Variants in ITGA11 observed in about 807,000 individuals in gnomAD.
The protein encoded by ITGA11 is integrin subunit alpha 11, also known as integrin alpha-11.
Under a neutral mutation model 141.9 loss-of-function variants are expected in ITGA11, and 97 were observed. The observed-to-expected ratio is 0.68, with a 90% CI of 0.58 to 0.81. The LOEUF is 0.81. ITGA11 is among the 30% of genes least tolerant of loss of function. ITGA11 has a pLI of 0.00. For synonymous variants in ITGA11, 658 were observed against 624.6 expected, an observed-to-expected ratio of 1.05 and a Z score of -0.80; for missense variants, 1,387 against 1,559.2, an observed-to-expected ratio of 0.89 and a Z score of 1.86.
At chr15:68,416,398 CA>C (rs1896887405) in intron 1 of ITGA11, among the ~76,000 whole-genome samples, 1 of 152,154 alleles carries the variant, frequency 6.6e-6, no homozygotes, top group South Asian at 2.1e-4. Context: ...GACAGGGAGA[CA>C]GAGAACGAGC....
chr15:68,399,355 G>A (rs1323287030), intron 2 of ITGA11, among the ~76,000 whole-genome samples: 1 of 152,076 alleles, frequency 6.6e-6, no homozygotes, highest in African/African-American at 2.4e-5. Context: ...AAAAGGAAAT[G>A]CTTATACACT....
chr15:68,411,953 A>C (rs1896780255), intron 1 of ITGA11, among the ~76,000 whole-genome samples: 1 of 152,030 alleles, frequency 6.6e-6, no homozygotes, highest in Non-Finnish European at 1.5e-5. Context: ...AGCCCAACCT[A>C]GCTGAGGTCA....
Position 68,333,709 on chromosome 15 carries a change from C to T in ITGA11, c.1426-1231G>A, listed in dbSNP as rs1894254454. Among the ~76,000 whole-genome samples the T allele has an allele frequency of 6.6e-6, 1 of 152,230 alleles. No individual in the cohort carries two copies. The highest frequency in any genetic ancestry group is 2.4e-5 in the African/African-American group (1 of 41,462). ...GCCTCAGGCTGGCCCCTTCAGCCCA[C>T]CCCCATGGCAGCTGGCGTGGCCTCT... On this transcript the variant is annotated intron_variant, in intron 12 of 29. Transcript: ENST00000315757. This position sits in a 1 kb window ranked among gnomAD's most constrained non-coding sequence, Gnocchi z 4.2.
chr15:68,355,031 C>T (rs1250939518), intron 7 of ITGA11, among the ~76,000 whole-genome samples: 2 of 152,194 alleles, frequency 1.3e-5, no homozygotes, highest in Non-Finnish European at 2.9e-5. Context: ...GTTCAAACTA[C>T]CTGGTGAGTC....
Position 68,304,102 on chromosome 15 carries a change from C to T in ITGA11, c.3382-217G>A, listed in dbSNP as rs1044055600. Among the ~76,000 whole-genome samples the T allele has an allele frequency of 1.3e-5, 2 of 152,182 alleles. No individual in the cohort carries two copies. The highest frequency in any genetic ancestry group is 4.8e-5 in the African/African-American group (2 of 41,444). ...ACTGGGTTCAGTGGCCCAAGTGATC[C>T]TGCCTCCTTGAGACACTTGCTGCCT... is the stretch of plus-strand genomic sequence containing the variant. On this transcript the variant is annotated intron_variant, in intron 28 of 29. Transcript: ENST00000315757. The surrounding 1 kb of genome is among the most constrained non-coding windows in gnomAD (Gnocchi z 6.1).
At position 68,403,112 on chromosome 15, in the gene ITGA11, G is replaced by A. The variant is rs114348395; in HGVS notation, c.53-83C>T. 8.1e-4 allele frequency: 695 copies of A among 860,912 alleles called. 10 individuals carry two copies. The African/African-American group carries it at 0.01, about 13-fold the overall frequency. 53.3% of individuals were successfully genotyped at this position (860,912 alleles called of 1,614,324 possible). The stretch of plus-strand genomic sequence containing the variant: ...CCCTGGGCTGTGTCAGGACCCATTG[G>A]CAGGTCATGAACCTTGGAGGGTCTT... On this transcript the variant is annotated intron_variant, in intron 1 of 29. Transcript: ENST00000315757.
chr15:68,366,405 C>G (rs1220245582), intron 3 of ITGA11, among the ~76,000 whole-genome samples: 1 of 152,090 alleles, frequency 6.6e-6, no homozygotes, highest in Non-Finnish European at 1.5e-5. Context: ...CGTTTCATCC[C>G]GAGTTCTGTG....
At chr15:68,381,497 C>T (rs11634499) in intron 2 of ITGA11, among the ~76,000 whole-genome samples, 123,296 of 151,970 alleles carry the variant, frequency 0.81, 50,307 homozygotes, top group East Asian at 1. Flanking sequence ...CCAGGGATTG[C>T]GCTACAGGTA....
In ITGA11 at chr15:68,364,698, G is replaced by A. The variant is rs1293940969; in HGVS notation, c.357+9C>T. The A allele has an allele frequency of 1.3e-6, 2 of 1,591,306 alleles. No homozygotes were observed. Among genetic ancestry groups the A allele is most frequent in the Non-Finnish European group, 1.7e-6 (2 of 1,160,156 alleles). On this transcript the variant is annotated intron_variant, in intron 4 of 29. Transcript: ENST00000315757. ...CTCCTGACCCCAAGCAGTGGCAGGT[G>A]GCTCTTACCAGGAAGCTGTTGTCCT...
chr15:68,335,746 A>C lies in ITGA11; in HGVS notation c.1376T>G (p.Met459Arg). The part of the protein sequence containing the change: ...NHTGKVILFT[M>R]HNNRSLTIHQ... ...GATGGTGAGGCTCCGGTTGTTGTGCATGGTGAACAGGATGACCTTGCCCGT... is the reference window on the plus strand; with the variant it reads ...GATGGTGAGGCTCCGGTTGTTGTGCCTGGTGAACAGGATGACCTTGCCCGT... Residue 459 changes from methionine to arginine, a missense_variant, in exon 12 of 30, where the codon ATG (methionine) becomes AGG (arginine). Physicochemically the swap from Met to Arg is moderately conservative, Grantham distance 91. Coordinates refer to ENST00000315757, the MANE Select transcript of ITGA11 (RefSeq NM_001004439.2). The surrounding 1 kb of genome is among the most constrained non-coding windows in gnomAD (Gnocchi z 4.9). 1 of 1,613,906 alleles carries C rather than the reference A, an allele frequency of 6.2e-7. No homozygotes were observed. Among genetic ancestry groups the C allele is most frequent in the Non-Finnish European group, 8.5e-7 (1 of 1,179,866 alleles).
intron 12 of ITGA11, among the ~76,000 whole-genome samples, chr15:68,332,952 T>C (rs1013487533): frequency 2.6e-5 from 4 of 152,242 alleles, no homozygotes; most frequent in East Asian, 1.9e-4. Flanking sequence ...GCAAATATAG[T>C]TTATATACTG....
intron 2 of ITGA11, among the ~76,000 whole-genome samples, chr15:68,373,443 T>A (rs1390552325): frequency 1.3e-5 from 2 of 152,208 alleles, no homozygotes; most frequent in Admixed American, 1.3e-4. Flanking sequence ...AGAGGGTTGT[T>A]GAGAAATCGA....
chr15:68,370,412 G>A (rs1260168569), intron 2 of ITGA11, among the ~76,000 whole-genome samples: 2 of 152,150 alleles, frequency 1.3e-5, no homozygotes, highest in Non-Finnish European at 2.9e-5. Flanking sequence ...AGGGTCCCCA[G>A]GTCCTGTCCT....
At chr15:68,416,637 G>GGGT (rs1260892053) in intron 1 of ITGA11, among the ~76,000 whole-genome samples, 11 of 152,188 alleles carry the variant, frequency 7.2e-5, no homozygotes, top group Non-Finnish European at 1.2e-4. Flanking sequence ...TCAAGAACAA[G>GGGT]GGTCATGGCT....
Position 68,322,482 on chromosome 15 carries a change from G to A in ITGA11, c.2323-979C>T, listed in dbSNP as rs577130183. 2.0e-5 allele frequency among the ~76,000 whole-genome samples: 3 copies of A among 152,262 alleles called. No homozygotes were observed. Among genetic ancestry groups the A allele is most frequent in the African/African-American group, 7.2e-5 (3 of 41,550 alleles). On this transcript the variant is annotated intron_variant, in intron 18 of 29. Transcript: ENST00000315757. The surrounding 1 kb of genome is among the most constrained non-coding windows in gnomAD (Gnocchi z 5.6). ...GAGGCGGGATCAATAGGAACCTGGAGGTTGTCGGGGCTGAGGGAGAAAGGG... is the reference window on the plus strand; with the variant it reads ...GAGGCGGGATCAATAGGAACCTGGAAGTTGTCGGGGCTGAGGGAGAAAGGG...
intron 10 of ITGA11, among the ~76,000 whole-genome samples, chr15:68,342,774 G>A (rs1462305487): frequency 1.3e-5 from 2 of 152,178 alleles, no homozygotes; most frequent in Non-Finnish European, 2.9e-5. Flanking sequence ...TAGTGGTGGG[G>A]GTGCTACTGG....
intron 1 of ITGA11, among the ~76,000 whole-genome samples, chr15:68,429,828 C>A (rs28613431): frequency 0.087 from 13,287 of 152,236 alleles, 845 homozygotes; most frequent in African/African-American, 0.17. Flanking sequence ...TTCCCACTTT[C>A]AGGCCCATGC....
chr15:68,320,026 G>A (rs1276368667), intron 20 of ITGA11, among the ~76,000 whole-genome samples, 159 bp downstream of exon 20: 2 of 152,160 alleles, frequency 1.3e-5, no homozygotes, highest in South Asian at 2.1e-4. Flanking sequence ...CTGGGCTCAA[G>A]TGATCCTCCC....
rs1567119634 is a variant in ITGA11 at position 68,304,185 on chromosome 15, T to C, written c.3382-300A>G. The stretch of plus-strand genomic sequence containing the variant: ...TCCTCCCACCACATGGGCTACTCCT[T>C]CTCCCTTTGCTGCCTCCGCATCGCC... On this transcript the variant is annotated intron_variant, in intron 28 of 29. Transcript: ENST00000315757. The surrounding 1 kb of genome is among the most constrained non-coding windows in gnomAD (Gnocchi z 6.1). 6.6e-6 allele frequency among the ~76,000 whole-genome samples: 1 copy of C among 152,146 alleles called. No individual in the cohort carries two copies. Among genetic ancestry groups the C allele is most frequent in the Non-Finnish European group, 1.5e-5 (1 of 68,016 alleles).
Sources: gnomAD v4.1 joint callset for allele counts (sites outside exome capture counted in the v4.1 genomes callset) on GRCh38, gnomAD v4.1.1 for gene constraint, Gnocchi (gnomAD v3.1) non-coding constraint, MANE v1.5 for transcripts, NCBI Gene and HGNC (gene_info 2026-07-23, HGNC 2026-07-21) for gene names.